Variants in UBASH3B observed in about 807,000 individuals in gnomAD.
UBASH3B encodes the protein ubiquitin-associated and SH3 domain-containing protein B.
Under a neutral mutation model 83.4 loss-of-function variants are expected in UBASH3B, and 37 were observed. The ratio of observed to expected loss-of-function variants is 0.44; its 90% CI spans 0.34 to 0.58. The LOEUF (loss-of-function observed/expected upper bound fraction) is 0.58, where lower values mean the gene tolerates loss of function less well. Ranked by LOEUF, UBASH3B falls within the 20% of genes least tolerant of loss-of-function variation. The pLI is 0.01. For synonymous variants in UBASH3B, 304 were observed against 318.3 expected (o/e 0.96, Z 0.48); for missense variants, 657 against 827.2 (o/e 0.79, Z 2.52).
At chr11:122,684,812 G>A (rs1020051499) in intron 1 of UBASH3B, among the ~76,000 whole-genome samples, 3 of 152,144 alleles carry the variant, frequency 2.0e-5, no homozygotes, top group African/African-American at 7.2e-5. Context: ...TGGTCAGGCT[G>A]GTCTCGAACT....
chr11:122,665,902 C>T (rs1863509305), intron 1 of UBASH3B, among the ~76,000 whole-genome samples: 2 of 152,200 alleles, frequency 1.3e-5, no homozygotes, highest in South Asian at 4.1e-4. Flanking sequence ...GGGACATCTT[C>T]CCTTCTGTGG....
chr11:122,808,417 G>T (rs1249344726), intron 13 of UBASH3B, among the ~76,000 whole-genome samples: 1 of 152,260 alleles, frequency 6.6e-6, no homozygotes, highest in Non-Finnish European at 1.5e-5. Context: ...AATGTAGGAA[G>T]CAGCTAGGAA....
intron 5 of UBASH3B, among the ~76,000 whole-genome samples, chr11:122,787,102 C>T (rs1402424180): frequency 6.6e-6 from 1 of 152,022 alleles, no homozygotes; most frequent in Non-Finnish European, 1.5e-5. Flanking sequence ...CAAGACCATG[C>T]TGTGCTTGAA....
chr11:122,682,465 C>T (rs1307777824), intron 1 of UBASH3B, among the ~76,000 whole-genome samples: 15 of 152,238 alleles, frequency 9.9e-5, no homozygotes, highest in Non-Finnish European at 2.2e-4. Flanking sequence ...AACCTTCTGA[C>T]TCCAAATTCC....
intron 1 of UBASH3B, among the ~76,000 whole-genome samples, chr11:122,667,497 G>A (rs1460315258): frequency 6.6e-6 from 1 of 152,182 alleles, no homozygotes; most frequent in Admixed American, 6.6e-5. Flanking sequence ...AATCTAGGGT[G>A]GAAGATACAC....
At chr11:122,683,536 C>T (rs12279678) in intron 1 of UBASH3B, among the ~76,000 whole-genome samples, 6 of 150,776 alleles carry the variant, frequency 4.0e-5, no homozygotes, top group Admixed American at 1.3e-4. Flanking sequence ...AATCTGGAGG[C>T]GGAGGTTGCA....
At chr11:122,735,595 G>A (rs1276021110) in intron 1 of UBASH3B, among the ~76,000 whole-genome samples, 1 of 152,250 alleles carries the variant, frequency 6.6e-6, no homozygotes, top group Non-Finnish European at 1.5e-5. Flanking sequence ...GGAATACACA[G>A]TGTGGGAAAT....
intron 7 of UBASH3B, among the ~76,000 whole-genome samples, chr11:122,795,895 C>T (rs551304587): frequency 2.0e-5 from 3 of 152,290 alleles, no homozygotes; most frequent in African/African-American, 7.2e-5. Flanking sequence ...ACTTTAATGG[C>T]CAAATGCTAC....
chr11:122,795,273 A>G (rs1861135097), intron 7 of UBASH3B, among the ~76,000 whole-genome samples: 1 of 152,158 alleles, frequency 6.6e-6, no homozygotes. Context: ...TGAACAGTAC[A>G]AATAGAGGCA....
chr11:122,785,984 T>C (rs1407470811), intron 5 of UBASH3B, among the ~76,000 whole-genome samples: 1 of 152,126 alleles, frequency 6.6e-6, no homozygotes, highest in Non-Finnish European at 1.5e-5. Context: ...TTCCATCCCA[T>C]TGTAGTAAGG....
intron 5 of UBASH3B, among the ~76,000 whole-genome samples, chr11:122,786,271 G>A (rs961900658): frequency 4.0e-5 from 6 of 151,808 alleles, no homozygotes; most frequent in Non-Finnish European, 8.8e-5. Flanking sequence ...GGATGGTCTC[G>A]ATCTCCTAAC....
chr11:122,682,571 G>A (rs1863756216), intron 1 of UBASH3B, among the ~76,000 whole-genome samples: 1 of 152,204 alleles, frequency 6.6e-6, no homozygotes, highest in South Asian at 2.1e-4. Context: ...TGGAGCCTGA[G>A]ATGCACGTCT....
At chr11:122,797,221 C>T in intron 9 of UBASH3B, 188 bp downstream of exon 9, 1 of 663,360 alleles carries the variant, frequency 1.5e-6, no homozygotes, top group Non-Finnish European at 2.4e-6. Context: ...GTTGGTTGAC[C>T]AAAGTGAATG....
At chr11:122,694,201 T>C (rs1364300367) in intron 1 of UBASH3B, among the ~76,000 whole-genome samples, 2 of 148,986 alleles carry the variant, frequency 1.3e-5, no homozygotes, top group African/African-American at 5.1e-5. Context: ...CTAGTACTTG[T>C]TAATCTCTTT....
intron 1 of UBASH3B, among the ~76,000 whole-genome samples, chr11:122,711,745 G>C (rs1864195434): frequency 6.6e-6 from 1 of 152,160 alleles, no homozygotes; most frequent in Admixed American, 6.5e-5. Flanking sequence ...TTGGGCCTTT[G>C]CATTTCCATC....
intron 1 of UBASH3B, among the ~76,000 whole-genome samples, chr11:122,702,908 G>T (rs1465343014): frequency 6.6e-6 from 1 of 152,130 alleles, no homozygotes; most frequent in African/African-American, 2.4e-5. Context: ...GAGTGGAATT[G>T]CTATAAAACT....
intron 1 of UBASH3B, among the ~76,000 whole-genome samples, chr11:122,746,446 G>C (rs540627554): frequency 1.8e-4 from 28 of 152,276 alleles, no homozygotes; most frequent in African/African-American, 6.5e-4. Flanking sequence ...TGGTGCCTCC[G>C]GGTGATTAAG....
chr11:122,787,964 T>C (rs1860983591), intron 5 of UBASH3B, among the ~76,000 whole-genome samples: 1 of 152,036 alleles, frequency 6.6e-6, no homozygotes, highest in African/African-American at 2.4e-5. Flanking sequence ...ACTATTGAGG[T>C]CTCCCACTAT....
chr11:122,743,800 T>A (rs959573539), intron 1 of UBASH3B, among the ~76,000 whole-genome samples: 1 of 152,116 alleles, frequency 6.6e-6, no homozygotes, highest in African/African-American at 2.4e-5. Context: ...CAAGGTGGCG[T>A]GGCAGGCACG....
Sources: allele counts gnomAD v4.1 joint callset (sites outside exome capture counted in the v4.1 genomes callset), GRCh38; gene constraint gnomAD v4.1.1; transcripts MANE v1.5; gene names NCBI Gene and HGNC (gene_info 2026-07-23, HGNC 2026-07-21).